Variants in NCAM1 observed in about 807,000 individuals in gnomAD.
NCAM1 encodes antigen recognized by monoclonal antibody 5.1H11.
NCAM1 carries 14 observed loss-of-function variants against 109.8 expected under a neutral mutation model. That is an observed-to-expected ratio of 0.13 (90% confidence interval 0.08 to 0.20). The LOEUF (loss-of-function observed/expected upper bound fraction) is 0.20, where lower values mean the gene tolerates loss of function less well. NCAM1 is among the 10% of genes least tolerant of loss of function. The pLI, the probability that NCAM1 is intolerant of heterozygous loss-of-function variation, is 1.00. For synonymous variants in NCAM1, 418 were observed against 442.9 expected (o/e 0.94, Z 0.70); for missense variants, 774 against 1,109.9 (o/e 0.70, Z 4.30).
chr11:113,096,522 G>A (rs1455065959), intron 1 of NCAM1, among the ~76,000 whole-genome samples: 1 of 152,214 alleles, frequency 6.6e-6, no homozygotes, highest in East Asian at 1.9e-4. Context: ...GCCCAGCTCC[G>A]AGGTCAGGGA....
chr11:113,264,210 AT>A, intron 17 of NCAM1: 2 of 984,830 alleles, frequency 2.0e-6, no homozygotes, highest in African/African-American at 1.7e-5. Flanking sequence ...TGGAAGCTTG[AT>A]TTTTGTTCTT....
At chr11:113,011,967 C>CCTTCCTTCCTTT (rs1661755250) in intron 1 of NCAM1, among the ~76,000 whole-genome samples, 1 of 82,666 alleles carries the variant, frequency 1.2e-5, no homozygotes, top group Non-Finnish European at 2.6e-5. Flanking sequence ...TCTCTCCTTT[C>CCTTCCTTCCTTT]CTTCCTTCCT....
chr11:113,270,440 C>T, intron 18 of NCAM1, 45 bp downstream of exon 18: 1 of 1,577,056 alleles, frequency 6.3e-7, no homozygotes, highest in Non-Finnish European at 8.7e-7. Flanking sequence ...GGCTCTGCTC[C>T]AGCCCAGGGA....
At chr11:113,165,629 T>G (rs2136397981) in intron 1 of NCAM1, among the ~76,000 whole-genome samples, 1 of 152,230 alleles carries the variant, frequency 6.6e-6, no homozygotes, top group South Asian at 2.1e-4. Context: ...AATGTTTTCC[T>G]GCACCCTTAC....
rs78168702 is a variant in NCAM1, at chr11:113,186,840, G to A, written c.53-15539G>A. 8.4e-3 allele frequency among the ~76,000 whole-genome samples: 1,278 copies of A among 152,354 alleles called. 10 individuals carry two copies. The highest frequency in any genetic ancestry group is 0.02 in the Middle Eastern group (6 of 294). On this transcript the variant is annotated intron_variant, in intron 1 of 19. Transcript: ENST00000316851. The stretch of plus-strand genomic sequence containing the variant: ...GGATATTCACACACAGCAGAGGTGC[G>A]AAGCCAGTGTCCCAGCTGGTGTTTC...
chr11:113,053,712 G>C (rs944461493), intron 1 of NCAM1, among the ~76,000 whole-genome samples: 1 of 152,110 alleles, frequency 6.6e-6, no homozygotes, highest in Non-Finnish European at 1.5e-5. Context: ...AGATGCCTCT[G>C]GTCTGTCCCT....
intron 17 of NCAM1, among the ~76,000 whole-genome samples, chr11:113,268,718 A>G (rs1187270146): frequency 6.6e-6 from 1 of 152,106 alleles, no homozygotes; most frequent in Non-Finnish European, 1.5e-5. Flanking sequence ...AAAACAAAAA[A>G]TGTGTGGCCC....
chr11:113,066,995 A>AC (rs34518746), intron 1 of NCAM1, among the ~76,000 whole-genome samples: 2 of 79,536 alleles, frequency 2.5e-5, no homozygotes, highest in Non-Finnish European at 4.7e-5. Flanking sequence ...CAGAGCGAGA[A>AC]CCCCTCTCAA....
At chr11:113,107,838 T>C (rs782714676) in intron 1 of NCAM1, among the ~76,000 whole-genome samples, 8 of 151,934 alleles carry the variant, frequency 5.3e-5, no homozygotes, top group Non-Finnish European at 1.0e-4. Flanking sequence ...ATTAAGGGAG[T>C]GTAGTCCTCT....
intron 1 of NCAM1, among the ~76,000 whole-genome samples, chr11:112,988,802 G>T (rs936971143): frequency 6.8e-6 from 1 of 145,986 alleles, no homozygotes; most frequent in African/African-American, 2.5e-5. Flanking sequence ...AGGCCGAAGT[G>T]CAGTGGCCCA....
intron 1 of NCAM1, among the ~76,000 whole-genome samples, chr11:113,050,124 G>T (rs541089756): frequency 7.3e-6 from 1 of 137,892 alleles, no homozygotes; most frequent in African/African-American, 2.6e-5. Context: ...GTGGGGTGGG[G>T]GGCAGAAACA....
intron 1 of NCAM1, among the ~76,000 whole-genome samples, chr11:113,121,537 CA>C (rs3051887): frequency 0.016 from 1,462 of 92,356 alleles, 49 homozygotes; most frequent in Admixed American, 0.11. Context: ...ACCAATCTTA[CA>C]AAAAAAAAAA....
At chr11:113,062,866 G>T (rs1937739009) in intron 1 of NCAM1, among the ~76,000 whole-genome samples, 1 of 152,082 alleles carries the variant, frequency 6.6e-6, no homozygotes, top group African/African-American at 2.4e-5. Flanking sequence ...TACTTGGGAG[G>T]CTGAAGTGGG....
At chr11:113,106,568 T>A (rs1940176328) in intron 1 of NCAM1, among the ~76,000 whole-genome samples, 1 of 152,212 alleles carries the variant, frequency 6.6e-6, no homozygotes, top group Non-Finnish European at 1.5e-5. Context: ...ATCTGGTATA[T>A]CTGCTTCCAC....
Position 113,205,595 on chromosome 11 carries a change from A to G in NCAM1, c.419A>G (p.Asp140Gly), listed in dbSNP as rs1944212978. Residue 140 changes from aspartate (D) to glycine (G), a missense_variant, in exon 4 of 20, where the codon GAT becomes GGT. Asp to Gly is a moderately conservative substitution (Grantham distance 94). Around this residue, in one of 4 missense-constraint regions of NCAM1, gnomAD observed 17 missense variants for 54.1 expected, o/e 0.31. Transcript: ENST00000316851. ...REGEDAVIVC[D>G]VVSSLPPTII... is the part of the protein sequence containing the mutation. ...GGGGAAGATGCCGTGATTGTGTGTG[A>G]TGTGGTCAGCTCCCTCCCACCAACC... is the stretch of plus-strand genomic sequence containing the variant. The G allele has an allele frequency of 6.2e-7, 1 of 1,613,800 alleles. No individual in the cohort carries two copies. Among genetic ancestry groups the G allele is most frequent in the Non-Finnish European group, 8.5e-7 (1 of 1,179,846 alleles).
chr11:113,222,208 C>A (rs572969330), intron 9 of NCAM1, among the ~76,000 whole-genome samples: 36 of 152,244 alleles, frequency 2.4e-4, no homozygotes, highest in African/African-American at 7.9e-4. Context: ...CCAGATGGGG[C>A]TTTGATCGTG....
chr11:113,177,661 G>A (rs1399180109), intron 1 of NCAM1, among the ~76,000 whole-genome samples: 1 of 152,068 alleles, frequency 6.6e-6, no homozygotes, highest in Non-Finnish European at 1.5e-5. Context: ...TCAAACTCCC[G>A]ACCTCAGGTG....
At chr11:113,128,180 C>T (rs1259902786) in intron 1 of NCAM1, among the ~76,000 whole-genome samples, 4 of 152,206 alleles carry the variant, frequency 2.6e-5, no homozygotes, top group Non-Finnish European at 5.9e-5. Flanking sequence ...CGCTCAGCAT[C>T]GCCCATTTGC....
chr11:113,173,885 G>A (rs1376287605), intron 1 of NCAM1, among the ~76,000 whole-genome samples: 1 of 151,920 alleles, frequency 6.6e-6, no homozygotes, highest in Admixed American at 6.6e-5. Flanking sequence ...AAAGATGGTG[G>A]ACTTGGATTG....
Sources: allele counts gnomAD v4.1 joint callset (sites outside exome capture counted in the v4.1 genomes callset), GRCh38; gene constraint gnomAD v4.1.1; regional missense constraint gnomAD v4.1.1; transcripts MANE v1.5; gene names NCBI Gene and HGNC (gene_info 2026-07-23, HGNC 2026-07-21).